CHMP3: variants seen among roughly 807,000 people sequenced by gnomAD.
CHMP3 encodes the protein 25.1 protein.
Under a neutral mutation model 27.4 loss-of-function variants are expected in CHMP3, and 8 were observed. The observed-to-expected ratio is 0.29, with a 90% confidence interval of 0.17 to 0.53. The LOEUF (loss-of-function observed/expected upper bound fraction) is 0.53. Among genes scored for constraint, CHMP3 ranks in the 20% least tolerant of loss-of-function variants. The pLI, the probability that CHMP3 is intolerant of heterozygous loss-of-function variation, is 0.96. For synonymous variants in CHMP3, 86 were observed against 85.5 expected (o/e 1.01, Z -0.03); for missense variants, 208 against 271.5 (o/e 0.77, Z 1.64).
intron 3 of CHMP3, among the ~76,000 whole-genome samples, chr2:86,524,586 T>C (rs1391527743): frequency 6.6e-6 from 1 of 152,234 alleles, no homozygotes; most frequent in African/African-American, 2.4e-5. Flanking sequence ...GGAAGATATG[T>C]GTAGGTTATA....
chr2:86,563,212 A>C (rs780986218), intron 1 of CHMP3, 92 bp downstream of exon 1: 2 of 1,469,156 alleles, frequency 1.4e-6, no homozygotes, highest in Non-Finnish European at 1.9e-6. Flanking sequence ...GGTATCGGGC[A>C]GGCGGTGGGG....
In CHMP3 at chr2:86,504,453, A is replaced by G. The variant is rs1208326856; in HGVS notation, c.*1351T>C. 1 of 151,904 alleles carries G rather than the reference A, an allele frequency of 6.6e-6. No individual in the cohort carries two copies. Among genetic ancestry groups the G allele is most frequent in the African/African-American group, 2.4e-5 (1 of 41,384 alleles). The allele number at this position is 151,904 out of a possible 1,614,324, so 9.4% of individuals were successfully genotyped here. ...AAATAATTTTTTAACTACACTCTGAAGATGAAATCAAGAGTAATAGGAGGG... is the reference window on the plus strand; with the variant it reads ...AAATAATTTTTTAACTACACTCTGAGGATGAAATCAAGAGTAATAGGAGGG... On this transcript the variant is annotated 3_prime_UTR_variant, in exon 6 of 6. Transcript: ENST00000263856.
At chr2:86,539,628 T>G (rs1676282812) in intron 2 of CHMP3, among the ~76,000 whole-genome samples, 1 of 152,148 alleles carries the variant, frequency 6.6e-6, no homozygotes, top group African/African-American at 2.4e-5. Context: ...ATGAAACTTA[T>G]GAAGTTTCTA....
At position 86,506,238 on chromosome 2, in the gene CHMP3, T is replaced by C. The variant is rs1429426224; in HGVS notation, c.524-289A>G. Among the ~76,000 whole-genome samples, 7 of 152,226 alleles carry C rather than the reference T, an allele frequency of 4.6e-5. No individual in the cohort carries two copies. The South Asian group carries it at 8.3e-4, about 18-fold the overall frequency. On this transcript the variant is annotated intron_variant, in intron 5 of 5. Transcript: ENST00000263856. Reference sequence around the variant, plus strand: ...AATCTTCTTTCTGAATAAAACTAAATTGTTTCTAAATCTTCACAAAATATT... The same window carrying C: ...AATCTTCTTTCTGAATAAAACTAAACTGTTTCTAAATCTTCACAAAATATT...
chr2:86,523,234 C>T (rs1675580133), intron 3 of CHMP3, among the ~76,000 whole-genome samples: 1 of 152,150 alleles, frequency 6.6e-6, no homozygotes, highest in South Asian at 2.1e-4. Context: ...AGGGCCTTCA[C>T]ACATGCTAGC....
At chr2:86,561,132 C>G (rs1161122703) in intron 1 of CHMP3, among the ~76,000 whole-genome samples, 3 of 152,158 alleles carry the variant, frequency 2.0e-5, no homozygotes, top group African/African-American at 7.2e-5. Flanking sequence ...AGTTCTTTGG[C>G]TTCTTATTTC....
chr2:86,537,012 C>T (rs140610997), intron 2 of CHMP3, among the ~76,000 whole-genome samples: 13 of 152,158 alleles, frequency 8.5e-5, no homozygotes, highest in African/African-American at 2.7e-4. Context: ...AGGCATGTAC[C>T]ACCACACCTG....
At chr2:86,555,016 T>G (rs1427691515) in intron 1 of CHMP3, among the ~76,000 whole-genome samples, 10 of 151,994 alleles carry the variant, frequency 6.6e-5, no homozygotes, top group Non-Finnish European at 1.2e-4. Flanking sequence ...CCAGCTAATT[T>G]TTGTATTTTT....
chr2:86,513,145 C>T (rs374038424), intron 3 of CHMP3, among the ~76,000 whole-genome samples: 6 of 152,226 alleles, frequency 3.9e-5, no homozygotes, highest in East Asian at 1.9e-4. Context: ...CAAACTGGTA[C>T]GTCCAGACAA....
intron 3 of CHMP3, among the ~76,000 whole-genome samples, chr2:86,519,422 T>C (rs1675441187): frequency 6.6e-6 from 1 of 151,600 alleles, no homozygotes; most frequent in Non-Finnish European, 1.5e-5. Flanking sequence ...AAGCCATTTC[T>C]GTGGGAAGAA....
Position 86,563,252 on chromosome 2 carries a change from A to T in CHMP3, c.45+52T>A, listed in dbSNP as rs368271644. The T allele has an allele frequency of 1.3e-5, 20 of 1,599,200 alleles. No homozygotes were observed. The African/African-American group carries it at 2.4e-4, about 19-fold the overall frequency. On this transcript the variant is annotated intron_variant, in intron 1 of 5. Coordinates refer to ENST00000263856, the MANE Select transcript of CHMP3 (RefSeq NM_016079.4). Reference sequence around the variant, plus strand: ...GAGTGTCCTGTCATTTACCAACTTCACTACGCCCCACACAGATCCACCCGC... The same window carrying T: ...GAGTGTCCTGTCATTTACCAACTTCTCTACGCCCCACACAGATCCACCCGC...
intron 3 of CHMP3, among the ~76,000 whole-genome samples, chr2:86,528,282 CAG>C (rs1367071395): frequency 1.3e-5 from 2 of 152,180 alleles, no homozygotes; most frequent in Non-Finnish European, 2.9e-5. Context: ...AAGTATCTGA[CAG>C]AGAGTTGAAA....
chr2:86,530,290 G>A (rs980645738), intron 2 of CHMP3, among the ~76,000 whole-genome samples: 2 of 152,082 alleles, frequency 1.3e-5, no homozygotes, highest in Admixed American at 6.6e-5. Context: ...ACCGCACCTG[G>A]CCCAGAACTC....
chr2:86,505,785 C>A lies in CHMP3; in HGVS notation c.*19G>T. On this transcript the variant is annotated 3_prime_UTR_variant, in exon 6 of 6. Coordinates refer to ENST00000263856, the MANE Select transcript of CHMP3 (RefSeq NM_016079.4). ...GCTCTTGAGAGGAGTGTGTGCACAC[C>A]CAGCGGGGTAGGCAGCCCCTAGCTG... 1 of 1,555,344 alleles carries A rather than the reference C, an allele frequency of 6.4e-7. No homozygotes were observed. The highest frequency in any genetic ancestry group is 1.2e-5 in the South Asian group (1 of 83,670).
intron 3 of CHMP3, among the ~76,000 whole-genome samples, chr2:86,525,046 A>G (rs1443970864): frequency 6.9e-6 from 1 of 145,424 alleles, no homozygotes; most frequent in Non-Finnish European, 1.5e-5. Context: ...CTTTCTTATT[A>G]AATGATGCAT....
intron 3 of CHMP3, among the ~76,000 whole-genome samples, chr2:86,524,061 T>TGA (rs1675612642): frequency 1.3e-5 from 2 of 152,134 alleles, no homozygotes; most frequent in Admixed American, 1.3e-4. Context: ...GGCAATGAAG[T>TGA]GAGCCTCACA....
At chr2:86,539,944 AC>A (rs1390117909) in intron 2 of CHMP3, among the ~76,000 whole-genome samples, 1 of 151,768 alleles carries the variant, frequency 6.6e-6, no homozygotes. Context: ...TTTCACCTTC[AC>A]CTATGAATGT....
intron 3 of CHMP3, among the ~76,000 whole-genome samples, chr2:86,520,884 T>G (rs1050968398): frequency 2.0e-5 from 3 of 152,194 alleles, no homozygotes; most frequent in African/African-American, 7.2e-5. Context: ...GCATCCCCTG[T>G]GACTTGCACG....
intron 3 of CHMP3, among the ~76,000 whole-genome samples, chr2:86,514,237 A>C (rs1031945615): frequency 3.3e-5 from 5 of 152,210 alleles, no homozygotes; most frequent in African/African-American, 1.2e-4. Context: ...AAAGAGGCCT[A>C]GTTCCACAAT....
Sources: allele counts gnomAD v4.1 joint callset (sites outside exome capture counted in the v4.1 genomes callset), GRCh38; gene constraint gnomAD v4.1.1; transcripts MANE v1.5; gene names NCBI Gene and HGNC (gene_info 2026-07-23, HGNC 2026-07-21).